The following DNM2 variants were observed in gnomAD, a reference collection of about 807,000 sequenced individuals.
DNM2 encodes the protein dynamin-2.
A neutral mutation model predicts 99.0 loss-of-function variants in DNM2; 15 were observed. That is an observed-to-expected ratio of 0.15 (90% CI 0.10 to 0.23). DNM2 has a LOEUF of 0.23. DNM2 is among the 10% of genes least tolerant of loss of function. The pLI is 1.00. For missense variants in DNM2, 742 were observed against 1,189.4 expected, an observed-to-expected ratio of 0.62 and a Z score of 5.53; for synonymous variants, 525 against 481.2, an observed-to-expected ratio of 1.09 and a Z score of -1.19.
chr19:10,779,980 C>T (rs1438140100), intron 5 of DNM2, among the ~76,000 whole-genome samples: 1 of 152,022 alleles, frequency 6.6e-6, no homozygotes, highest in Admixed American at 6.6e-5. Flanking sequence ...TAAAGCCATT[C>T]CTCCCCTCTG....
intron 12 of DNM2, among the ~76,000 whole-genome samples, chr19:10,804,468 A>G (rs1163409688): frequency 1.3e-5 from 2 of 152,112 alleles, no homozygotes; most frequent in Non-Finnish European, 2.9e-5. Context: ...AGGTGGGTCG[A>G]TTGCTGGAGC....
At chr19:10,785,466 T>C (rs2071528587) in intron 6 of DNM2, among the ~76,000 whole-genome samples, 1 of 152,182 alleles carries the variant, frequency 6.6e-6, no homozygotes, top group Admixed American at 6.5e-5. Flanking sequence ...GGTCTTACTC[T>C]GTTGTCCAGA....
intron 1 of DNM2, among the ~76,000 whole-genome samples, chr19:10,733,956 C>T (rs952467562): frequency 1.3e-5 from 2 of 150,736 alleles, no homozygotes; most frequent in East Asian, 1.9e-4. Context: ...TGCAGTGAGC[C>T]GAGATCGCGC....
chr19:10,742,693 G>A (rs1032614388), intron 1 of DNM2, among the ~76,000 whole-genome samples: 3 of 152,102 alleles, frequency 2.0e-5, no homozygotes, highest in Non-Finnish European at 4.4e-5. Context: ...GACCGGGATG[G>A]TGCCTGGCAG....
At chr19:10,807,472 C>G (rs1198518990) in intron 13 of DNM2, among the ~76,000 whole-genome samples, 1 of 150,754 alleles carries the variant, frequency 6.6e-6, no homozygotes, top group Admixed American at 6.6e-5. Flanking sequence ...AAACTCCTGA[C>G]CTGGTGATCC....
rs539417892 is a variant in DNM2 at position 10,816,739 on chromosome 19, T to C, written c.1672-3241T>C. Among the ~76,000 whole-genome samples, 2 of 152,306 alleles carry C rather than the reference T, an allele frequency of 1.3e-5. No homozygotes were observed. The highest frequency in any genetic ancestry group is 4.1e-4 in the South Asian group (2 of 4,832). On this transcript the variant is annotated intron_variant, in intron 15 of 20. Coordinates refer to ENST00000389253, the MANE Select transcript of DNM2 (RefSeq NM_001005361.3). The surrounding 1 kb of genome is among the most constrained non-coding windows in gnomAD (Gnocchi z 4.6). ...GTCCCCTGGGTGGGAATGCCAGGCC[T>C]GGGGCAGCGAGCCTTGGAGGAGCCT...
At chr19:10,813,957 A>G (rs2146120281) in intron 15 of DNM2, among the ~76,000 whole-genome samples, 1 of 152,056 alleles carries the variant, frequency 6.6e-6, no homozygotes, top group Admixed American at 6.5e-5. Flanking sequence ...GGGGTCAGGT[A>G]TTCAAGACCA....
Position 10,798,479 on chromosome 19 carries a change from C to T in DNM2, c.1336-7C>T, listed in dbSNP as rs781203111. 8 of 1,614,038 alleles carry T rather than the reference C, an allele frequency of 5.0e-6. No individual in the cohort carries two copies. The highest frequency in any genetic ancestry group is 2.2e-5 in the East Asian group (1 of 44,862). ...CGCCAATGCGACCACTCTGCTTGTT[C>T]CCCCAGCTCAGTTCCTACCCCCGGT... is the stretch of plus-strand genomic sequence containing the variant. On this transcript the variant is annotated splice_region_variant and splice_polypyrimidine_tract_variant and intron_variant, in intron 10 of 20. Coordinates refer to ENST00000389253, the MANE Select transcript of DNM2 (RefSeq NM_001005361.3).
chr19:10,772,721 T>A lies in DNM2; in HGVS notation c.385+93T>A. 2 of 1,567,338 alleles carry A rather than the reference T, an allele frequency of 1.3e-6. No homozygotes were observed. The highest frequency in any genetic ancestry group is 1.7e-6 in the Non-Finnish European group (2 of 1,150,278). ...GCCTGTGTACTTCCACTCATGGGTA[T>A]CATGTGCCCATTCACAAACAGTTGA... On this transcript the variant is annotated intron_variant, in intron 3 of 20. Transcript: ENST00000389253. This position sits in a 1 kb window ranked among gnomAD's most constrained non-coding sequence, Gnocchi z 4.9.
chr19:10,814,855 T>A (rs2072679188), intron 15 of DNM2, among the ~76,000 whole-genome samples: 1 of 152,244 alleles, frequency 6.6e-6, no homozygotes, highest in Admixed American at 6.5e-5. Context: ...TCTCTTGACG[T>A]AACCATGGCT....
chr19:10,787,896 T>C (rs1233110078), intron 7 of DNM2, among the ~76,000 whole-genome samples: 1 of 137,280 alleles, frequency 7.3e-6, no homozygotes, highest in Non-Finnish European at 1.6e-5. Flanking sequence ...GCCATTGCAC[T>C]CCAGCCTGGG....
chr19:10,817,309 G>A lies in DNM2; in HGVS notation c.1672-2671G>A. On this transcript the variant is annotated intron_variant, in intron 15 of 20. Transcript: ENST00000389253. The surrounding 1 kb of genome is among the most constrained non-coding windows in gnomAD (Gnocchi z 4.6). ...CCCCAGTGCCTCTTCTCCCACCCAG[G>A]CCCTCGAATCTTCTATGCGAGGCTC... 2.4e-6 allele frequency: 1 copy of A among 412,660 alleles called. No homozygotes were observed. Among genetic ancestry groups the A allele is most frequent in the Admixed American group, 2.6e-5 (1 of 38,102 alleles). The allele number at this position is 412,660 out of a possible 1,614,324, so 25.6% of individuals were successfully genotyped here.
At chr19:10,720,216 A>ATTT (rs778787809) in intron 1 of DNM2, among the ~76,000 whole-genome samples, 2 of 140,674 alleles carry the variant, frequency 1.4e-5, no homozygotes, top group Admixed American at 7.1e-5. Context: ...TTATTTATTT[A>ATTT]TTTTTTTTTT....
At chr19:10,821,318 T>C (rs2072961447) in intron 16 of DNM2, among the ~76,000 whole-genome samples, 1 of 152,124 alleles carries the variant, frequency 6.6e-6, no homozygotes, top group African/African-American at 2.4e-5. Flanking sequence ...TTATCTGATA[T>C]ATCTTTTAAG....
chr19:10,771,971 C>T (rs898607222), intron 2 of DNM2, among the ~76,000 whole-genome samples: 4 of 152,236 alleles, frequency 2.6e-5, no homozygotes, highest in African/African-American at 9.6e-5. Flanking sequence ...TAGGAACCCC[C>T]GCCTCCCCCA....
At chr19:10,726,795 G>A (rs1458828460) in intron 1 of DNM2, among the ~76,000 whole-genome samples, 1 of 152,122 alleles carries the variant, frequency 6.6e-6, no homozygotes, top group Non-Finnish European at 1.5e-5. Flanking sequence ...CCTGGGGGAC[G>A]GAGGTTGCGG....
At position 10,742,359 on chromosome 19, in the gene DNM2, C is replaced by T. The variant is rs115421403; in HGVS notation, c.162-17379C>T. Among the ~76,000 whole-genome samples the T allele has an allele frequency of 6.4e-3, 982 of 152,270 alleles. 20 individuals are homozygous for T. The highest frequency in any genetic ancestry group is 0.022 in the African/African-American group (934 of 41,550). On this transcript the variant is annotated intron_variant, in intron 1 of 20. Coordinates refer to ENST00000389253, the MANE Select transcript of DNM2 (RefSeq NM_001005361.3). ...TGTTGTGGTGCCAGGCATTGACATC[C>T]TTCACTCCCACCCCCGTCACCCTCA...
chr19:10,823,909 C>T lies in DNM2; in HGVS notation c.1893+10C>T, dbSNP rs147321173. The T allele has an allele frequency of 2.0e-5, 33 of 1,612,594 alleles. No individual in the cohort carries two copies. Among genetic ancestry groups the T allele is most frequent in the Middle Eastern group, 3.3e-4 (2 of 6,058 alleles). On this transcript the variant is annotated intron_variant, in intron 17 of 20. Coordinates refer to ENST00000389253, the MANE Select transcript of DNM2 (RefSeq NM_001005361.3). The stretch of plus-strand genomic sequence containing the variant: ...CCCCGAGAAGGACCAGGTGAGGAGC[C>T]GTCCTGCGCAGCCAGGCCCAGAGCC...
chr19:10,730,798 C>T (rs1287741264), intron 1 of DNM2, among the ~76,000 whole-genome samples: 1 of 152,192 alleles, frequency 6.6e-6, no homozygotes, highest in Non-Finnish European at 1.5e-5. Flanking sequence ...TGGCAACCTG[C>T]GGGGTGCCCC....
Sources: allele counts gnomAD v4.1 joint callset (sites outside exome capture counted in the v4.1 genomes callset), GRCh38; gene constraint gnomAD v4.1.1; non-coding constraint Gnocchi (gnomAD v3.1); transcripts MANE v1.5; gene names NCBI Gene and HGNC (gene_info 2026-07-23, HGNC 2026-07-21).